CADM1: variants seen among roughly 807,000 people sequenced by gnomAD.
The protein encoded by CADM1 is TSLC-1.
A neutral mutation model predicts 53.1 loss-of-function variants in CADM1; 15 were observed. The observed-to-expected ratio is 0.28, with a 90% CI of 0.19 to 0.44. The LOEUF (loss-of-function observed/expected upper bound fraction) is 0.44, where lower values mean the gene tolerates loss of function less well. Among genes scored for constraint, CADM1 ranks in the 20% least tolerant of loss-of-function variants. The pLI, the probability that CADM1 is intolerant of heterozygous loss-of-function variation, is 1.00. For missense variants in CADM1, 434 were observed against 611.3 expected (o/e 0.71, Z 3.06); for synonymous variants, 281 against 243.0 (o/e 1.16, Z -1.45).
At chr11:115,391,709 C>A (rs1369759499) in intron 1 of CADM1, among the ~76,000 whole-genome samples, 2 of 152,148 alleles carry the variant, frequency 1.3e-5, no homozygotes, top group East Asian at 1.9e-4. Flanking sequence ...CTCACTCCAC[C>A]CTCAGATTCA....
intron 6 of CADM1, among the ~76,000 whole-genome samples, chr11:115,216,312 G>A (rs564351676): frequency 7.0e-4 from 107 of 152,328 alleles, no homozygotes; most frequent in African/African-American, 2.5e-3. Flanking sequence ...TGTCCTGAAG[G>A]AAACATGTAA....
chr11:115,259,776 A>G (rs954857802), intron 1 of CADM1, among the ~76,000 whole-genome samples: 5 of 152,122 alleles, frequency 3.3e-5, no homozygotes, highest in Non-Finnish European at 7.4e-5. Flanking sequence ...CCTGCCATCT[A>G]AAGATCTCAT....
chr11:115,400,675 A>G (rs1170813686), intron 1 of CADM1, among the ~76,000 whole-genome samples: 2,032 of 41,826 alleles, frequency 0.049, 20 homozygotes, highest in Non-Finnish European at 0.064. Flanking sequence ...ATATATATAT[A>G]TATATATATA....
intron 1 of CADM1, chr11:115,377,749 C>T (rs1043372238): frequency 6.6e-6 from 1 of 152,000 alleles, no homozygotes; most frequent in African/African-American, 2.4e-5. Context: ...AGAATATGTC[C>T]ACTCTTGCAA....
chr11:115,306,101 C>CACACACACACACACACAT (rs1944364610), intron 1 of CADM1, among the ~76,000 whole-genome samples: 1 of 151,392 alleles, frequency 6.6e-6, no homozygotes, highest in South Asian at 2.1e-4. Context: ...CACACACACA[C>CACACACACACACACACAT]ACATACCGTC....
intron 1 of CADM1, among the ~76,000 whole-genome samples, chr11:115,402,253 G>A (rs1160261383): frequency 2.0e-5 from 3 of 152,120 alleles, no homozygotes; most frequent in Non-Finnish European, 4.4e-5. Flanking sequence ...GTCCAGGTAC[G>A]GTGGCTCACA....
chr11:115,398,888 T>G (rs936424941), intron 1 of CADM1, among the ~76,000 whole-genome samples: 1 of 152,188 alleles, frequency 6.6e-6, no homozygotes, highest in Non-Finnish European at 1.5e-5. Flanking sequence ...TTCCTGAATC[T>G]CAGCCAAAGA....
At chr11:115,401,501 A>G (rs1248140751) in intron 1 of CADM1, among the ~76,000 whole-genome samples, 1 of 152,144 alleles carries the variant, frequency 6.6e-6, no homozygotes, top group East Asian at 1.9e-4. Context: ...CCAGCTACAC[A>G]GGAGGCTGAG....
At chr11:115,312,226 A>T (rs1350891560) in intron 1 of CADM1, among the ~76,000 whole-genome samples, 3 of 152,286 alleles carry the variant, frequency 2.0e-5, no homozygotes, top group African/African-American at 7.2e-5. Flanking sequence ...TCTTGCTCCA[A>T]TGCCGCTTTA....
intron 1 of CADM1, among the ~76,000 whole-genome samples, chr11:115,354,382 G>A (rs1053525869): frequency 2.6e-5 from 4 of 152,306 alleles, no homozygotes; most frequent in South Asian, 4.1e-4. Context: ...GCCTAGATCC[G>A]TCTGCAACAG....
intron 1 of CADM1, among the ~76,000 whole-genome samples, chr11:115,393,647 C>A (rs1387355395): frequency 6.6e-6 from 1 of 151,032 alleles, no homozygotes; most frequent in Non-Finnish European, 1.5e-5. Flanking sequence ...TCTGAATAAC[C>A]TTATAGGGTC....
chr11:115,499,091 T>C (rs1177146804), intron 1 of CADM1, among the ~76,000 whole-genome samples: 1 of 151,972 alleles, frequency 6.6e-6, no homozygotes, highest in Non-Finnish European at 1.5e-5. Context: ...AAAATAAAAC[T>C]TTTTTTTCTT....
intron 1 of CADM1, among the ~76,000 whole-genome samples, chr11:115,503,728 A>G (rs988974743): frequency 4.0e-5 from 6 of 151,450 alleles, no homozygotes; most frequent in Non-Finnish European, 8.8e-5. Context: ...GGGAAGGGGC[A>G]GGGGAGATCA....
At chr11:115,418,202 G>T (rs1432876280) in intron 1 of CADM1, among the ~76,000 whole-genome samples, 1 of 152,058 alleles carries the variant, frequency 6.6e-6, no homozygotes, top group African/African-American at 2.4e-5. Context: ...TGGCTCAATG[G>T]TTATGCTCTA....
intron 4 of CADM1, among the ~76,000 whole-genome samples, 162 bp from the exon 5 acceptor site, chr11:115,229,433 GT>G (rs1241921096): frequency 6.6e-6 from 1 of 152,142 alleles, no homozygotes; most frequent in Non-Finnish European, 1.5e-5. Context: ...ACCTGATAAA[GT>G]TTTTATTTCC....
intron 5 of CADM1, among the ~76,000 whole-genome samples, chr11:115,228,850 AAAG>A (rs764737834): frequency 6.6e-6 from 1 of 152,242 alleles, no homozygotes; most frequent in Non-Finnish European, 1.5e-5. Flanking sequence ...GTCTATATGC[AAAG>A]AAATTAATTA....
At chr11:115,419,783 T>C (rs1397821382) in intron 1 of CADM1, among the ~76,000 whole-genome samples, 2 of 152,172 alleles carry the variant, frequency 1.3e-5, no homozygotes, top group East Asian at 3.8e-4. Flanking sequence ...GAACAGATGC[T>C]AAAATCAGGA....
chr11:115,415,051 AG>A (rs1231761195), intron 1 of CADM1, among the ~76,000 whole-genome samples: 1 of 152,210 alleles, frequency 6.6e-6, no homozygotes, highest in African/African-American at 2.4e-5. Flanking sequence ...ATCTTCTAGC[AG>A]AGTGGTCTAA....
At chr11:115,495,750 A>C (rs1394893915) in intron 1 of CADM1, among the ~76,000 whole-genome samples, 1 of 152,226 alleles carries the variant, frequency 6.6e-6, no homozygotes, top group Non-Finnish European at 1.5e-5. Context: ...CCTGGGTTTT[A>C]AAGCACTTCC....
Sources: allele counts gnomAD v4.1 joint callset (sites outside exome capture counted in the v4.1 genomes callset), GRCh38; gene constraint gnomAD v4.1.1; transcripts MANE v1.5; gene names NCBI Gene and HGNC (gene_info 2026-07-23, HGNC 2026-07-21).